The following ARID4A variants were observed in gnomAD, a reference collection of about 807,000 sequenced individuals.
ARID4A encodes the protein AT-rich interactive domain-containing protein 4A.
Under a neutral mutation model 148.6 loss-of-function variants are expected in ARID4A, and 39 were observed. The observed-to-expected ratio is 0.26, with a 90% CI of 0.20 to 0.34. The LOEUF (loss-of-function observed/expected upper bound fraction) is 0.34, where lower values mean the gene tolerates loss of function less well. Ranked by LOEUF, ARID4A falls within the 10% of genes least tolerant of loss-of-function variation. The pLI is 1.00. For missense variants in ARID4A, 1,265 were observed against 1,449.1 expected (o/e 0.87, Z 2.06); for synonymous variants, 475 against 481.2 (o/e 0.99, Z 0.17).
At chr14:58,303,593 A>T (rs1371722233) in intron 3 of ARID4A, 3 of 469,910 alleles carry the variant, frequency 6.4e-6, no homozygotes, top group Non-Finnish European at 1.3e-5. Context: ...CAACACATAG[A>T]GTAGTGCCTG....
At chr14:58,355,383 A>G (rs2034825209) in intron 17 of ARID4A, among the ~76,000 whole-genome samples, 1 of 152,174 alleles carries the variant, frequency 6.6e-6, no homozygotes, top group Admixed American at 6.5e-5. Flanking sequence ...AATCTTATAT[A>G]TCCTATGATT....
intron 5 of ARID4A, among the ~76,000 whole-genome samples, chr14:58,308,005 T>TACTTA (rs10628433): frequency 0.73 from 110,234 of 151,454 alleles, 40,653 homozygotes; most frequent in Middle Eastern, 0.87. Context: ...TGTACTCACT[T>TACTTA]TGAAGCTTTA....
At chr14:58,308,339 C>A (rs1208506262) in intron 5 of ARID4A, among the ~76,000 whole-genome samples, 1 of 152,220 alleles carries the variant, frequency 6.6e-6, no homozygotes, top group Non-Finnish European at 1.5e-5. Flanking sequence ...GGACCCCAAG[C>A]CTCTCCAATT....
intron 11 of ARID4A, among the ~76,000 whole-genome samples, chr14:58,337,590 C>T (rs1301253185): frequency 2.6e-5 from 4 of 152,022 alleles, no homozygotes; most frequent in Non-Finnish European, 4.4e-5. Context: ...ATCTAACTTC[C>T]CTTTATAATA....
intron 2 of ARID4A, 69 bp downstream of exon 2, chr14:58,299,929 GA>G: frequency 6.2e-7 from 1 of 1,603,308 alleles, no homozygotes; most frequent in Non-Finnish European, 8.5e-7. Context: ...TAGTGCCGTG[GA>G]ATGTCATTTG....
At chr14:58,302,773 G>C (rs2031286600) in intron 3 of ARID4A, among the ~76,000 whole-genome samples, 1 of 151,990 alleles carries the variant, frequency 6.6e-6, no homozygotes, top group South Asian at 2.1e-4. Flanking sequence ...GGGCAACATA[G>C]TGAGATCTTG....
intron 5 of ARID4A, 37 bp from the exon 6 acceptor site, chr14:58,318,505 T>C (rs1284646808): frequency 6.3e-7 from 1 of 1,575,402 alleles, no homozygotes; most frequent in Non-Finnish European, 8.7e-7. Context: ...ATTTCATTAG[T>C]GTGCATAAAT....
At chr14:58,328,189 T>C in intron 8 of ARID4A, 48 bp from the exon 9 acceptor site, 1 of 1,342,354 alleles carries the variant, frequency 7.4e-7, no homozygotes, top group African/African-American at 1.5e-5. Context: ...ATACTGTTTT[T>C]CTGAGCACAG....
intron 17 of ARID4A, 22 bp from the exon 18 acceptor site, chr14:58,359,105 CTCTTT>C: frequency 7.7e-7 from 1 of 1,290,980 alleles, no homozygotes; most frequent in Non-Finnish European, 1.1e-6. Context: ...TTTGTACAAA[CTCTTT>C]TTTTTTTTTT....
chr14:58,341,711 A>G (rs1431854631), intron 11 of ARID4A, among the ~76,000 whole-genome samples: 2 of 152,254 alleles, frequency 1.3e-5, no homozygotes, highest in Admixed American at 1.3e-4. Context: ...AAAAATTCAC[A>G]ATCTAGTAGT....
chr14:58,322,229 C>CA (rs2032937893), intron 7 of ARID4A, among the ~76,000 whole-genome samples: 1 of 152,036 alleles, frequency 6.6e-6, no homozygotes, highest in African/African-American at 2.4e-5. Flanking sequence ...CTCGGCCTCC[C>CA]AAAGTGCTCA....
intron 15 of ARID4A, among the ~76,000 whole-genome samples, chr14:58,349,429 G>A (rs1478001760): frequency 6.6e-6 from 1 of 151,272 alleles, no homozygotes; most frequent in Admixed American, 6.6e-5. Flanking sequence ...GGTGGATCTC[G>A]AGATCAGGAG....
At chr14:58,304,098 GAGTGTGATTTGT>G (rs2031413997) in intron 3 of ARID4A, among the ~76,000 whole-genome samples, 1 of 152,068 alleles carries the variant, frequency 6.6e-6, no homozygotes, top group East Asian at 1.9e-4. Context: ...TTGACTAGAG[GAGTGTGATTTGT>G]AGGTTAAATA....
chr14:58,366,567 A>G (rs1256787021), intron 22 of ARID4A, among the ~76,000 whole-genome samples: 1 of 152,202 alleles, frequency 6.6e-6, no homozygotes, highest in Admixed American at 6.5e-5. Context: ...AGTGAAGAAA[A>G]TGTCAATACA....
At chr14:58,322,128 A>G (rs2140172488) in intron 7 of ARID4A, among the ~76,000 whole-genome samples, 1 of 151,576 alleles carries the variant, frequency 6.6e-6, no homozygotes, top group Middle Eastern at 3.4e-3. Flanking sequence ...GTGATACCAC[A>G]CCTGGCTAAT....
At chr14:58,322,578 C>G (rs150922075) in intron 7 of ARID4A, among the ~76,000 whole-genome samples, 3 of 152,142 alleles carry the variant, frequency 2.0e-5, no homozygotes, top group Non-Finnish European at 4.4e-5. Context: ...ATATAATGAA[C>G]CAAGTGGTTT....
intron 23 of ARID4A, among the ~76,000 whole-genome samples, chr14:58,371,339 C>A (rs370680331): frequency 4.3e-4 from 65 of 152,218 alleles, no homozygotes; most frequent in African/African-American, 1.5e-3. Flanking sequence ...TAAAAAGTGG[C>A]AAAACACCTA....
intron 23 of ARID4A, chr14:58,370,033 CAT>C (rs2035534757): frequency 2.0e-5 from 3 of 152,318 alleles, no homozygotes; most frequent in East Asian, 1.9e-4. Flanking sequence ...AGTGACGTGT[CAT>C]GTGTGGCCTT....
chr14:58,329,979 G>C (rs1289019764), intron 10 of ARID4A, 24 bp from the exon 11 acceptor site: 1 of 1,588,706 alleles, frequency 6.3e-7, no homozygotes, highest in Admixed American at 1.9e-5. Flanking sequence ...CATAGCAACT[G>C]CTGAAGTACA....
Sources: gnomAD v4.1 joint callset for allele counts (sites outside exome capture counted in the v4.1 genomes callset) on GRCh38, gnomAD v4.1.1 for gene constraint, MANE v1.5 for transcripts, NCBI Gene and HGNC (gene_info 2026-07-23, HGNC 2026-07-21) for gene names.